Variants in PTPRG observed in about 807,000 individuals in gnomAD.
The protein encoded by PTPRG is receptor-type tyrosine-protein phosphatase gamma.
In PTPRG, 102 loss-of-function variants were observed where a neutral mutation model predicts 165.3. The observed-to-expected ratio is 0.62, with a 90% CI of 0.53 to 0.73. The LOEUF (loss-of-function observed/expected upper bound fraction) is 0.73. PTPRG is among the 30% of genes least tolerant of loss of function. The pLI is 0.00. For synonymous variants in PTPRG, 675 were observed against 669.5 expected (o/e 1.01, Z -0.13); for missense variants, 1,866 against 1,861.4 (o/e 1.00, Z -0.05).
chr3:62,070,392 G>T (rs1701170066), intron 4 of PTPRG, among the ~76,000 whole-genome samples: 2 of 152,152 alleles, frequency 1.3e-5, no homozygotes, highest in African/African-American at 4.8e-5. Context: ...AGATGGCATG[G>T]ATTTTGTTAG....
At chr3:61,798,683 A>G (rs561670347) in intron 2 of PTPRG, among the ~76,000 whole-genome samples, 8 of 148,564 alleles carry the variant, frequency 5.4e-5, no homozygotes, top group Non-Finnish European at 7.4e-5. Flanking sequence ...TACCTTTGGA[A>G]GGGACCCTTA....
intron 2 of PTPRG, among the ~76,000 whole-genome samples, chr3:61,866,325 C>T (rs2037406754): frequency 6.6e-6 from 1 of 152,128 alleles, no homozygotes; most frequent in South Asian, 2.1e-4. Flanking sequence ...TCTGTTTGCA[C>T]GTGACCATGA....
intron 2 of PTPRG, among the ~76,000 whole-genome samples, chr3:61,966,626 G>T (rs1432575300): frequency 6.7e-6 from 1 of 149,456 alleles, no homozygotes; most frequent in African/African-American, 2.5e-5. Context: ...ATTCATTCGT[G>T]TTTTTTTTTT....
intron 1 of PTPRG, among the ~76,000 whole-genome samples, chr3:61,566,614 T>C (rs1317516634): frequency 6.6e-6 from 1 of 152,190 alleles, no homozygotes; most frequent in Non-Finnish European, 1.5e-5. Context: ...TTCAAGCGAT[T>C]CTCCTGCCTC....
chr3:61,917,395 GTTGCC>G (rs1320417085), intron 2 of PTPRG, among the ~76,000 whole-genome samples: 1 of 152,130 alleles, frequency 6.6e-6, no homozygotes, highest in Non-Finnish European at 1.5e-5. Context: ...AACATGCCAC[GTTGCC>G]TGGCAGTTGC....
chr3:61,723,114 G>T (rs1559575055), intron 1 of PTPRG, among the ~76,000 whole-genome samples: 1 of 152,110 alleles, frequency 6.6e-6, no homozygotes, highest in Non-Finnish European at 1.5e-5. Flanking sequence ...TTCAAGAAAT[G>T]TCTTTGTTGT....
At chr3:61,660,653 G>C (rs368433679) in intron 1 of PTPRG, among the ~76,000 whole-genome samples, 1 of 152,140 alleles carries the variant, frequency 6.6e-6, no homozygotes, top group African/African-American at 2.4e-5. Context: ...AGAACAGCAC[G>C]TGGTTCAGTA....
chr3:62,128,847 AATTG>A (rs1703411086), intron 5 of PTPRG, among the ~76,000 whole-genome samples: 1 of 151,522 alleles, frequency 6.6e-6, no homozygotes, highest in Non-Finnish European at 1.5e-5. Context: ...TTAAGTGGCA[AATTG>A]ATTGAAACAG....
At chr3:61,910,402 G>A (rs982648136) in intron 2 of PTPRG, among the ~76,000 whole-genome samples, 2 of 152,108 alleles carry the variant, frequency 1.3e-5, no homozygotes, top group African/African-American at 2.4e-5. Flanking sequence ...TCATTGCCTC[G>A]TATCCTAATG....
Position 62,203,159 on chromosome 3 carries a change from G to C in PTPRG, c.1378-14G>C, listed in dbSNP as rs368810951. On this transcript the variant is annotated splice_polypyrimidine_tract_variant and intron_variant, in intron 11 of 29. Coordinates refer to ENST00000474889, the MANE Select transcript of PTPRG (RefSeq NM_002841.4). The surrounding 1 kb of genome is among the most constrained non-coding windows in gnomAD (Gnocchi z 6.4). ...TCTGCCTCTTTTCCACCCTTGCCGG[G>C]TGACCCTTTCCAGCCCACAGCGTCT... 1.3e-6 allele frequency: 2 copies of C among 1,558,368 alleles called. No homozygotes were observed. The highest frequency in any genetic ancestry group is 2.7e-5 in the African/African-American group (2 of 73,052).
chr3:62,086,517 G>A (rs1007191067), intron 5 of PTPRG, among the ~76,000 whole-genome samples: 1 of 152,050 alleles, frequency 6.6e-6, no homozygotes, highest in Non-Finnish European at 1.5e-5. Flanking sequence ...AGATAATGAC[G>A]GTAAACTAAT....
chr3:62,058,792 T>C (rs1190020684), intron 4 of PTPRG, among the ~76,000 whole-genome samples: 3 of 152,152 alleles, frequency 2.0e-5, no homozygotes, highest in Non-Finnish European at 2.9e-5. Flanking sequence ...TGAGTCAAAC[T>C]AGGTCCAAGA....
intron 1 of PTPRG, among the ~76,000 whole-genome samples, chr3:61,629,545 T>A (rs1701709758): frequency 2.0e-5 from 3 of 152,212 alleles, no homozygotes; most frequent in African/African-American, 7.2e-5. Context: ...GTGAAATTAA[T>A]TGCTAGCTGT....
At chr3:61,759,231 G>T (rs1262258876) in intron 2 of PTPRG, among the ~76,000 whole-genome samples, 3 of 152,180 alleles carry the variant, frequency 2.0e-5, no homozygotes, top group Non-Finnish European at 4.4e-5. Context: ...TTTCTGTTAT[G>T]TAACTGATAA....
At chr3:61,972,407 G>T (rs79395418) in intron 2 of PTPRG, among the ~76,000 whole-genome samples, 9,270 of 146,812 alleles carry the variant, frequency 0.063, 419 homozygotes, top group Non-Finnish European at 0.094. Flanking sequence ...CTGTTGGGGG[G>T]TTTCATGCAG....
At chr3:61,883,665 C>A (rs754555830) in intron 2 of PTPRG, among the ~76,000 whole-genome samples, 7 of 151,910 alleles carry the variant, frequency 4.6e-5, no homozygotes, top group Non-Finnish European at 8.8e-5. Flanking sequence ...TTTGAGATAC[C>A]TTTTATGGGT....
chr3:62,201,665 G>A, intron 11 of PTPRG, 111 bp downstream of exon 11: 2 of 969,666 alleles, frequency 2.1e-6, no homozygotes, highest in Non-Finnish European at 3.1e-6. Context: ...TCAGTGTAAA[G>A]CGGTTATAGT....
chr3:61,600,507 A>G (rs13434101), intron 1 of PTPRG, among the ~76,000 whole-genome samples: 18,179 of 151,922 alleles, frequency 0.12, 1,221 homozygotes, highest in African/African-American at 0.18. Flanking sequence ...TTCTTACTAA[A>G]GTTTGATGAT....
At chr3:62,167,577 A>G (rs1705040906) in intron 7 of PTPRG, among the ~76,000 whole-genome samples, 1 of 152,166 alleles carries the variant, frequency 6.6e-6, no homozygotes, top group African/African-American at 2.4e-5. Flanking sequence ...TGGAGTTAGT[A>G]TTCATACCCA....
Sources: allele counts gnomAD v4.1 joint callset (sites outside exome capture counted in the v4.1 genomes callset), GRCh38; gene constraint gnomAD v4.1.1; non-coding constraint Gnocchi (gnomAD v3.1); transcripts MANE v1.5; gene names NCBI Gene and HGNC (gene_info 2026-07-23, HGNC 2026-07-21).